ROBO1: variants seen among roughly 807,000 people sequenced by gnomAD.
The protein encoded by ROBO1 is roundabout guidance receptor 1.
A neutral mutation model predicts 195.9 loss-of-function variants in ROBO1; 149 were observed. The observed-to-expected ratio is 0.76, with a 90% CI of 0.67 to 0.87. The LOEUF (loss-of-function observed/expected upper bound fraction) is 0.87. Among genes scored for constraint, ROBO1 ranks in the 40% least tolerant of loss-of-function variants. ROBO1 has a pLI of 0.00. For missense variants in ROBO1, 1,933 were observed against 2,068.3 expected, an observed-to-expected ratio of 0.93 and a Z score of 1.27; for synonymous variants, 816 against 733.2, an observed-to-expected ratio of 1.11 and a Z score of -1.82.
rs551601592 is a variant in ROBO1 at position 79,280,436 on chromosome 3, T to C, written c.89-154897A>G. On this transcript the variant is annotated intron_variant, in intron 2 of 30. Transcript: ENST00000464233. ...AAAGTTGGTAGAAAAACCCTTATTA[T>C]CTACTTTCCAGACCCACAGGACAAA... 4.6e-5 allele frequency among the ~76,000 whole-genome samples: 7 copies of C among 152,266 alleles called. No individual in the cohort carries two copies. In the South Asian group the frequency reaches 1.5e-3, roughly 32 times the overall value.
intron 4 of ROBO1, among the ~76,000 whole-genome samples, chr3:78,748,781 C>T (rs778812513): frequency 2.0e-5 from 3 of 150,732 alleles, no homozygotes; most frequent in Non-Finnish European, 2.9e-5. Context: ...AACTTGGGCA[C>T]GGCATGACTA....
intron 8 of ROBO1, among the ~76,000 whole-genome samples, chr3:78,699,891 T>A (rs942737649): frequency 1.3e-5 from 2 of 152,078 alleles, no homozygotes; most frequent in African/African-American, 4.8e-5. Context: ...TAGAGCTCAG[T>A]TAAAAAATTA....
chr3:79,623,447 T>C (rs960654436), intron 1 of ROBO1, among the ~76,000 whole-genome samples: 1 of 152,098 alleles, frequency 6.6e-6, no homozygotes, highest in Non-Finnish European at 1.5e-5. Flanking sequence ...GCTAAGAACA[T>C]TGATAAAATG....
chr3:78,964,422 T>C (rs1250457046), intron 3 of ROBO1, among the ~76,000 whole-genome samples: 4 of 152,148 alleles, frequency 2.6e-5, no homozygotes, highest in Non-Finnish European at 5.9e-5. Flanking sequence ...CTGGTTTATA[T>C]GAAGGGTTCA....
intron 1 of ROBO1, among the ~76,000 whole-genome samples, chr3:79,610,738 C>T (rs1260883517): frequency 6.6e-6 from 1 of 151,968 alleles, no homozygotes; most frequent in Non-Finnish European, 1.5e-5. Context: ...AGAAACCCAG[C>T]TCAACTGACT....
chr3:79,521,694 G>T (rs1941216057), intron 2 of ROBO1, among the ~76,000 whole-genome samples: 1 of 152,102 alleles, frequency 6.6e-6, no homozygotes, highest in African/African-American at 2.4e-5. Flanking sequence ...AACACTTTTA[G>T]CAGATGTTTT....
intron 3 of ROBO1, among the ~76,000 whole-genome samples, chr3:79,011,597 T>C (rs551926484): frequency 1.3e-5 from 2 of 151,704 alleles, no homozygotes; most frequent in East Asian, 1.9e-4. Context: ...TCTAGCCTTC[T>C]ACCAAAACCC....
intron 1 of ROBO1, among the ~76,000 whole-genome samples, chr3:79,764,577 C>T (rs992513263): frequency 3.9e-5 from 6 of 152,178 alleles, no homozygotes; most frequent in Admixed American, 6.5e-5. Context: ...TTAAAATTCA[C>T]ATCTTTGTGG....
chr3:79,173,948 A>T (rs911380598), intron 2 of ROBO1, among the ~76,000 whole-genome samples: 4 of 152,004 alleles, frequency 2.6e-5, no homozygotes, highest in African/African-American at 7.2e-5. Context: ...GTATCTAGCT[A>T]CTCTGGTGGG....
At chr3:79,386,818 C>A (rs1447081838) in intron 2 of ROBO1, among the ~76,000 whole-genome samples, 3 of 151,866 alleles carry the variant, frequency 2.0e-5, no homozygotes. Flanking sequence ...AGTGGAGTAC[C>A]CACACTCTAC....
chr3:79,487,561 T>A (rs1485545784), intron 2 of ROBO1, among the ~76,000 whole-genome samples: 1 of 152,164 alleles, frequency 6.6e-6, no homozygotes, highest in Non-Finnish European at 1.5e-5. Flanking sequence ...ATCTTACCCT[T>A]AAAGAGTATA....
intron 3 of ROBO1, among the ~76,000 whole-genome samples, chr3:79,059,552 G>C (rs2078875821): frequency 6.6e-6 from 1 of 152,052 alleles, no homozygotes; most frequent in Non-Finnish European, 1.5e-5. Context: ...AGAGGGACCG[G>C]CTGAAGCCAT....
chr3:78,953,037 T>C (rs1279750610), intron 3 of ROBO1, among the ~76,000 whole-genome samples: 5 of 152,068 alleles, frequency 3.3e-5, no homozygotes, highest in Non-Finnish European at 7.4e-5. Context: ...CGTATGGCTA[T>C]GTCCCCAGAG....
At chr3:78,798,013 A>G (rs1183443323) in intron 4 of ROBO1, among the ~76,000 whole-genome samples, 1 of 152,142 alleles carries the variant, frequency 6.6e-6, no homozygotes, top group Non-Finnish European at 1.5e-5. Flanking sequence ...AATCCACCAC[A>G]ACTGTTGAGA....
chr3:79,478,126 C>T (rs1164003034), intron 2 of ROBO1, among the ~76,000 whole-genome samples: 2 of 152,032 alleles, frequency 1.3e-5, no homozygotes, highest in East Asian at 3.9e-4. Flanking sequence ...GAAGTGAAAG[C>T]AAATGGAAGC....
intron 2 of ROBO1, among the ~76,000 whole-genome samples, chr3:79,489,037 G>T (rs993242750): frequency 2.0e-5 from 3 of 150,624 alleles, no homozygotes; most frequent in African/African-American, 7.3e-5. Context: ...AATTTAGATG[G>T]GTCATTTAAA....
intron 3 of ROBO1, among the ~76,000 whole-genome samples, chr3:79,014,890 T>C (rs964572521): frequency 3.3e-5 from 5 of 152,212 alleles, no homozygotes; most frequent in East Asian, 1.9e-4. Flanking sequence ...CAACCACTTA[T>C]AGTCTTCACT....
At chr3:78,836,565 A>G (rs530370249) in intron 4 of ROBO1, among the ~76,000 whole-genome samples, 6 of 151,992 alleles carry the variant, frequency 3.9e-5, no homozygotes, top group Admixed American at 3.3e-4. Context: ...AATAGTTTCC[A>G]TTAGAAGGTA....
chr3:79,057,904 T>C (rs537346600), intron 3 of ROBO1, among the ~76,000 whole-genome samples: 73 of 152,176 alleles, frequency 4.8e-4, no homozygotes, highest in African/African-American at 1.5e-3. Context: ...AGGCCCTGCA[T>C]TTAATGTTAC....
Sources: allele counts gnomAD v4.1 joint callset (sites outside exome capture counted in the v4.1 genomes callset), GRCh38; gene constraint gnomAD v4.1.1; transcripts MANE v1.5; gene names NCBI Gene and HGNC (gene_info 2026-07-23, HGNC 2026-07-21).